The following COL4A4 variants were observed in gnomAD, a reference collection of about 807,000 sequenced individuals.
The protein encoded by COL4A4 is collagen alpha-4(IV) chain.
A neutral mutation model predicts 192.9 loss-of-function variants in COL4A4; 105 were observed. That is an observed-to-expected ratio of 0.54 (90% CI 0.46 to 0.64). The LOEUF is 0.64. Ranked by LOEUF, COL4A4 falls within the 30% of genes least tolerant of loss-of-function variation. The pLI, the probability that COL4A4 is intolerant of heterozygous loss-of-function variation, is 0.00. For synonymous variants in COL4A4, 762 were observed against 769.9 expected (o/e 0.99, Z 0.17); for missense variants, 1,967 against 2,169.3 (o/e 0.91, Z 1.85).
At chr2:226,988,404 C>T in the COL4A4 span, 2 of 1,550,416 alleles carry the variant, frequency 1.3e-6, no homozygotes, top group Non-Finnish European at 1.7e-6. Context: ...GACAAAGGAC[C>T]CAGATGCCTG....
the COL4A4 span, chr2:226,988,393 A>G: frequency 1.3e-6 from 2 of 1,550,522 alleles, no homozygotes; most frequent in Non-Finnish European, 8.7e-7. Flanking sequence ...AGGTCAGAAC[A>G]GACAAAGGAC....
chr2:226,999,229 G>A (rs1038904360), downstream of COL4A4: 2 of 152,158 alleles, frequency 1.3e-5, no homozygotes, highest in African/African-American at 4.8e-5. Context: ...CATTTATACT[G>A]TCACCAGTGG....
chr2:227,151,841 G>A (rs2063969932), intron 1 of COL4A4, among the ~76,000 whole-genome samples: 1 of 152,170 alleles, frequency 6.6e-6, no homozygotes, highest in African/African-American at 2.4e-5. Flanking sequence ...AAAGCAGAAA[G>A]CAGCCTGCAC....
intron 2 of COL4A4, 184 bp downstream of exon 2, chr2:227,147,229 G>T (rs2063605051): frequency 1.4e-6 from 1 of 719,530 alleles, no homozygotes; most frequent in Non-Finnish European, 2.5e-6. Flanking sequence ...ATGCATTTCA[G>T]GGAAAATTGA....
intron 9 of COL4A4, among the ~76,000 whole-genome samples, chr2:227,110,564 G>C (rs560750655): frequency 6.6e-6 from 1 of 151,738 alleles, no homozygotes; most frequent in African/African-American, 2.4e-5. Context: ...TGTATTTTTA[G>C]TAGAGACGGG....
At chr2:227,056,391 T>TC (rs1975365867) in intron 29 of COL4A4, among the ~76,000 whole-genome samples, 1 of 35,544 alleles carries the variant, frequency 2.8e-5, no homozygotes, top group African/African-American at 1.4e-4. Flanking sequence ...AAAACAAACA[T>TC]GTATTTGTAT....
chr2:227,054,694 T>G lies in COL4A4; in HGVS notation c.2760A>C (p.Arg920Ser). 6.2e-7 allele frequency: 1 copy of G among 1,614,216 alleles called. No homozygotes were observed. The highest frequency in any genetic ancestry group is 8.5e-7 in the Non-Finnish European group (1 of 1,180,022). ...LPGFPGFPGERGKPGAEGCPG... is the reference protein window; with the variant it reads ...LPGFPGFPGESGKPGAEGCPG... The stretch of plus-strand genomic sequence containing the variant: ...GACATCCCTCTGCACCAGGCTTTCC[T>G]CTTTCTCCGGGAAAACCTGGGAAAC... Residue 920 changes from arginine to serine, a missense_variant, in exon 31 of 48, where the codon AGA (arginine) becomes AGC (serine). Arg to Ser is a moderately radical substitution (Grantham distance 110). Coordinates refer to ENST00000396625, the MANE Select transcript of COL4A4 (RefSeq NM_000092.5).
intron 20 of COL4A4, among the ~76,000 whole-genome samples, chr2:227,091,174 A>T (rs1367622543): frequency 6.6e-6 from 1 of 152,074 alleles, no homozygotes; most frequent in Non-Finnish European, 1.5e-5. Context: ...GATGAGGGAG[A>T]GTATTGCATC....
intron 9 of COL4A4, among the ~76,000 whole-genome samples, chr2:227,109,724 C>T (rs961689877): frequency 9.5e-5 from 14 of 147,356 alleles, no homozygotes; most frequent in South Asian, 6.4e-4. Flanking sequence ...TCCAGCCTGG[C>T]GAAAGAGCAA....
chr2:227,155,745 A>G (rs190954256), intron 1 of COL4A4, among the ~76,000 whole-genome samples: 90 of 152,180 alleles, frequency 5.9e-4, no homozygotes, highest in African/African-American at 2.1e-3. Context: ...CCCTACATGG[A>G]AACCATCTGC....
Position 227,109,471 on chromosome 2 carries a change from G to A in COL4A4, c.595-185C>T, listed in dbSNP as rs116571011. 8,161 of 706,774 alleles carry A rather than the reference G, an allele frequency of 0.012. 83 individuals carry two copies. Among genetic ancestry groups the A allele is most frequent in the Middle Eastern group, 0.034 (148 of 4,368 alleles). 43.8% of individuals were successfully genotyped at this position (706,774 alleles called of 1,614,324 possible). On this transcript the variant is annotated intron_variant, in intron 9 of 47. Transcript: ENST00000396625. ...GCCCTAAAAGGGCACCAAGCAGTCC[G>A]GGCACGGTGGTTCACACCTGTAATC...
chr2:227,057,316 C>A, intron 29 of COL4A4, 123 bp downstream of exon 29: 1 of 1,148,600 alleles, frequency 8.7e-7, no homozygotes, highest in South Asian at 1.4e-5. Flanking sequence ...TCATGAGTAA[C>A]GAAGTCCTTT....
At chr2:227,159,258 C>T (rs1487044985) in intron 1 of COL4A4, among the ~76,000 whole-genome samples, 1 of 152,036 alleles carries the variant, frequency 6.6e-6, no homozygotes, top group African/African-American at 2.4e-5. Flanking sequence ...CTAGAAAATG[C>T]CAACTAAAAT....
chr2:226,994,954 C>G, the COL4A4 span, among the ~76,000 whole-genome samples: 1 of 152,206 alleles, frequency 6.6e-6, no homozygotes, highest in African/African-American at 2.4e-5. Flanking sequence ...GTTTCAATCA[C>G]GCATGATTCT....
At chr2:227,044,638 T>G (rs757200952) in intron 35 of COL4A4, among the ~76,000 whole-genome samples, 7 of 152,016 alleles carry the variant, frequency 4.6e-5, no homozygotes, top group Admixed American at 1.3e-4. Context: ...ACTTGTCTCC[T>G]GAATTTTGTG....
chr2:227,065,377 A>G (rs2058255500), intron 25 of COL4A4, among the ~76,000 whole-genome samples: 1 of 152,262 alleles, frequency 6.6e-6, no homozygotes, highest in South Asian at 2.1e-4. Flanking sequence ...GGAGCCCACC[A>G]CAGCTCAAGG....
At chr2:227,136,876 T>G (rs909769070) in intron 4 of COL4A4, among the ~76,000 whole-genome samples, 1 of 151,162 alleles carries the variant, frequency 6.6e-6, no homozygotes, top group Admixed American at 6.6e-5. Context: ...CTTAGGAATT[T>G]GGTGTGTTCC....
At chr2:227,065,135 C>A (rs988631257) in intron 25 of COL4A4, among the ~76,000 whole-genome samples, 1 of 152,152 alleles carries the variant, frequency 6.6e-6, no homozygotes, top group African/African-American at 2.4e-5. Flanking sequence ...CAGAGGGCAC[C>A]TGGAAAATCG....
chr2:226,977,639 T>C, the COL4A4 span, among the ~76,000 whole-genome samples: 1 of 152,200 alleles, frequency 6.6e-6, no homozygotes. Context: ...ATAATAGTTG[T>C]CATCCGAGGT....
Sources: allele counts gnomAD v4.1 joint callset (sites outside exome capture counted in the v4.1 genomes callset), GRCh38; gene constraint gnomAD v4.1.1; transcripts MANE v1.5; gene names NCBI Gene and HGNC (gene_info 2026-07-23, HGNC 2026-07-21).